SNED1: variants seen among roughly 807,000 people sequenced by gnomAD.
The protein encoded by SNED1 is sushi, nidogen and EGF-like domain-containing protein 1.
Under a neutral mutation model 166.7 loss-of-function variants are expected in SNED1, and 81 were observed. The ratio of observed to expected loss-of-function variants is 0.49; its 90% confidence interval spans 0.41 to 0.58. The LOEUF (loss-of-function observed/expected upper bound fraction) is 0.58. Ranked by LOEUF, SNED1 falls within the 20% of genes least tolerant of loss-of-function variation. The pLI, the probability that SNED1 is intolerant of heterozygous loss-of-function variation, is 0.00. For synonymous variants in SNED1, 762 were observed against 822.0 expected (o/e 0.93, Z 1.25); for missense variants, 1,604 against 2,000.2 (o/e 0.80, Z 3.78).
chr2:241,011,643 A>G (rs1049311646), intron 1 of SNED1, among the ~76,000 whole-genome samples: 6 of 152,230 alleles, frequency 3.9e-5, no homozygotes, highest in African/African-American at 1.4e-4. Flanking sequence ...AAATAACAAT[A>G]ATAGAATTGT....
chr2:241,071,904 C>G (rs758878292), intron 26 of SNED1, 26 bp downstream of exon 26: 2 of 1,559,852 alleles, frequency 1.3e-6, no homozygotes, highest in East Asian at 2.4e-5. Flanking sequence ...TCCCCACCCA[C>G]CTTGGTGGCC....
rs117820060 is a variant in SNED1 at position 241,019,001 on chromosome 2, C to T, written c.214-11283C>T. The stretch of plus-strand genomic sequence containing the variant: ...CCCCACATTTTGTCCTGTCATTACC[C>T]AAAGGGTGGCCAAGCGGAGAAGAAC... On this transcript the variant is annotated intron_variant, in intron 1 of 31. Coordinates refer to ENST00000310397, the MANE Select transcript of SNED1 (RefSeq NM_001080437.3). Among the ~76,000 whole-genome samples, 11 of 152,300 alleles carry T rather than the reference C, an allele frequency of 7.2e-5. No individual in the cohort carries two copies. The East Asian group carries it at 2.1e-3, about 29-fold the overall frequency.
Position 241,073,281 on chromosome 2 carries a change from C to T in SNED1, c.3833C>T (p.Ala1278Val), listed in dbSNP as rs373408642. ...CTTCTCCTAGAACCCACAGCCTCGG[C>T]GCAGCTCGAGAACATGGAGGAAGCC... ...ATVRSQPTAS[A>V]QLENMEEAPK... is the part of the protein sequence containing the mutation. Residue 1278 changes from alanine to valine, a missense_variant, in exon 27 of 32, where the codon GCG (alanine) becomes GTG (valine). Transcript: ENST00000310397. This position sits in a 1 kb window ranked among gnomAD's most constrained non-coding sequence, Gnocchi z 6.6. The T allele has an allele frequency of 6.4e-6, 10 of 1,560,148 alleles. No homozygotes were observed. Among genetic ancestry groups the T allele is most frequent in the East Asian group, 4.8e-5 (2 of 41,396 alleles).
chr2:241,043,893 G>T lies in SNED1; in HGVS notation c.1273+3480G>T, dbSNP rs992028106. ...TAAAAATTGATGGCAGGCAAGATTTGGTCTGTGGGTTATAGTTTACCAACT... is the reference window on the plus strand; with the variant it reads ...TAAAAATTGATGGCAGGCAAGATTTTGTCTGTGGGTTATAGTTTACCAACT... On this transcript the variant is annotated intron_variant, in intron 8 of 31. Coordinates refer to ENST00000310397, the MANE Select transcript of SNED1 (RefSeq NM_001080437.3). Among the ~76,000 whole-genome samples the T allele has an allele frequency of 3.9e-5, 6 of 152,178 alleles. No individual in the cohort carries two copies. In the South Asian group the frequency reaches 8.3e-4, roughly 21 times the overall value.
rs532819488 is a variant in SNED1 at position 241,083,969 on chromosome 2, A to ATTACT, written c.4121+1608_4121+1612dup. 3.9e-3 allele frequency among the ~76,000 whole-genome samples: 559 copies of ATTACT among 143,566 alleles called. 1 individual carries two copies. Among genetic ancestry groups the ATTACT allele is most frequent in the Middle Eastern group, 0.01 (3 of 292 alleles). The allele number at this position is 143,566 out of a possible 152,430, so 94.2% of individuals were successfully genotyped here. A position where few individuals can be genotyped will look rare whatever the true frequency, so the allele number is the denominator to read the frequency against. On this transcript the variant is annotated intron_variant, in intron 29 of 31. Coordinates refer to ENST00000310397, the MANE Select transcript of SNED1 (RefSeq NM_001080437.3). ...TTTCTTTTTTCCTGCCTAATTTTGGATTACTTTTTAGGATTCCATTTTGTC... is the reference window on the plus strand; with the variant it reads ...TTTCTTTTTTCCTGCCTAATTTTGGATTACTTTACTTTTTAGGATTCCATTTTGTC...
chr2:241,079,288 T>A (rs1009747106), intron 27 of SNED1, among the ~76,000 whole-genome samples: 38 of 150,830 alleles, frequency 2.5e-4, no homozygotes, highest in Non-Finnish European at 4.7e-4. Flanking sequence ...GGCAGGCGCC[T>A]GTAGTCCCAG....
intron 1 of SNED1, among the ~76,000 whole-genome samples, chr2:241,009,311 C>T (rs908216823): frequency 6.6e-6 from 1 of 152,164 alleles, no homozygotes; most frequent in Admixed American, 6.5e-5. Flanking sequence ...ATGGAAAGGG[C>T]AGGTGTGGAC....
chr2:241,034,016 A>G lies in SNED1; in HGVS notation c.642+141A>G, dbSNP rs546661786. The G allele has an allele frequency of 1.7e-5, 18 of 1,083,686 alleles. No homozygotes were observed. In the African/African-American group the frequency reaches 2.6e-4, roughly 15 times the overall value. The allele number at this position is 1,083,686 out of a possible 1,614,324, so 67.1% of individuals were successfully genotyped here. ...CAGAGGCCAACGAGAGACATCCACA[A>G]CCATCCCTGAGGCCTCTCACTGCCC... On this transcript the variant is annotated intron_variant, in intron 3 of 31. Coordinates refer to ENST00000310397, the MANE Select transcript of SNED1 (RefSeq NM_001080437.3).
chr2:241,082,772 C>T (rs984607446), intron 29 of SNED1, among the ~76,000 whole-genome samples: 2 of 152,234 alleles, frequency 1.3e-5, no homozygotes, highest in Non-Finnish European at 2.9e-5. Context: ...CATGATGTGG[C>T]CTTAGGCCCC....
intron 8 of SNED1, among the ~76,000 whole-genome samples, chr2:241,043,610 T>C (rs2061571362): frequency 6.6e-6 from 1 of 152,154 alleles, no homozygotes; most frequent in South Asian, 2.1e-4. Flanking sequence ...AATATGTGGG[T>C]TGAAGACTTT....
chr2:241,064,182 G>A lies in SNED1; in HGVS notation c.2599+57G>A. The A allele has an allele frequency of 8.1e-7, 1 of 1,233,722 alleles. No individual in the cohort carries two copies. Among genetic ancestry groups the A allele is most frequent in the Non-Finnish European group, 1.1e-6 (1 of 897,152 alleles). The allele number at this position is 1,233,722 out of a possible 1,614,324, so 76.4% of individuals were successfully genotyped here. A position where few individuals can be genotyped will look rare whatever the true frequency, so the allele number is the denominator to read the frequency against. ...TCTGCCCGCCTGCTCCCCGCCCTCT[G>A]CCCGCCTGCTGCCCGCCCTCTGCCC... On this transcript the variant is annotated intron_variant, in intron 19 of 31. Coordinates refer to ENST00000310397, the MANE Select transcript of SNED1 (RefSeq NM_001080437.3). This position sits in a 1 kb window ranked among gnomAD's most constrained non-coding sequence, Gnocchi z 7.0.
At position 241,075,414 on chromosome 2, in the gene SNED1, A is replaced by C. The variant is rs957950022; in HGVS notation, c.3916+2050A>C. On this transcript the variant is annotated intron_variant, in intron 27 of 31. Coordinates refer to ENST00000310397, the MANE Select transcript of SNED1 (RefSeq NM_001080437.3). The surrounding 1 kb of genome is among the most constrained non-coding windows in gnomAD (Gnocchi z 4.8). The stretch of plus-strand genomic sequence containing the variant: ...CGGGTTTGCAGATCCTACAGGCAGA[A>C]CGGGTGGGATGCACACCCCTGGGAT... The C allele has an allele frequency of 2.0e-5, 3 of 152,196 alleles. No homozygotes were observed. The highest frequency in any genetic ancestry group is 1.3e-4 in the Admixed American group (2 of 15,282). The allele number at this position is 152,196 out of a possible 1,614,324, so 9.4% of individuals were successfully genotyped here. A position where few individuals can be genotyped will look rare whatever the true frequency, so the allele number is the denominator to read the frequency against.
At chr2:241,054,011 G>A (rs573791138) in intron 16 of SNED1, among the ~76,000 whole-genome samples, 1 of 152,306 alleles carries the variant, frequency 6.6e-6, no homozygotes, top group East Asian at 1.9e-4. Flanking sequence ...ATTTGAGTGG[G>A]GCACATAAGC....
At chr2:241,048,159 G>A (rs965119898) in intron 8 of SNED1, among the ~76,000 whole-genome samples, 156 bp from the exon 9 acceptor site, 2 of 152,260 alleles carry the variant, frequency 1.3e-5, no homozygotes, top group Admixed American at 6.5e-5. Flanking sequence ...GTGCAGCGCA[G>A]CTACAAATCC....
chr2:241,071,257 C>T (rs965791641), intron 24 of SNED1: 28 of 433,486 alleles, frequency 6.5e-5, no homozygotes, highest in Non-Finnish European at 9.8e-5. Context: ...AGTCCGAGCC[C>T]GAGTGCCCAG....
intron 2 of SNED1, among the ~76,000 whole-genome samples, chr2:241,033,255 C>T (rs1363875414): frequency 1.3e-5 from 2 of 152,224 alleles, no homozygotes; most frequent in Non-Finnish European, 2.9e-5. Flanking sequence ...GCTTGATTCT[C>T]ATCTGGCGTA....
chr2:240,999,546 C>A lies in SNED1; in HGVS notation c.213+496C>A, dbSNP rs1363916792. On this transcript the variant is annotated intron_variant, in intron 1 of 31. Transcript: ENST00000310397. This position sits in a 1 kb window ranked among gnomAD's most constrained non-coding sequence, Gnocchi z 5.8. The stretch of plus-strand genomic sequence containing the variant: ...CAGGAGGCTGGACCCCTTGCCCAGG[C>A]GCTCAGGGCAGGGCCTGCTTCTTCG... Among the ~76,000 whole-genome samples the A allele has an allele frequency of 6.6e-6, 1 of 152,212 alleles. No individual in the cohort carries two copies. Among genetic ancestry groups the A allele is most frequent in the African/African-American group, 2.4e-5 (1 of 41,444 alleles).
chr2:241,052,056 G>T lies in SNED1; in HGVS notation c.1868G>T (p.Cys623Phe), dbSNP rs1199508629. The T allele has an allele frequency of 1.9e-6, 3 of 1,613,774 alleles. No homozygotes were observed. In the Admixed American group the frequency reaches 5.0e-5, roughly 27 times the overall value. ...RHCEIGKPDSCASGPCHNGGT... is the reference protein window; with the variant it reads ...RHCEIGKPDSFASGPCHNGGT... Reference sequence around the variant, plus strand: ...CTGTTTCCAGGGAAGCCAGACTCGTGTGCCTCTGGCCCCTGTCACAACGGC... The same window carrying T: ...CTGTTTCCAGGGAAGCCAGACTCGTTTGCCTCTGGCCCCTGTCACAACGGC... The change falls in exon 14 of 32, where the codon TGT (cysteine) becomes TTT (phenylalanine). Residue 623 changes from cysteine to phenylalanine, a missense_variant. Transcript: ENST00000310397.
intron 8 of SNED1, among the ~76,000 whole-genome samples, chr2:241,047,309 A>G (rs563799183): frequency 6.6e-6 from 1 of 152,352 alleles, no homozygotes; most frequent in African/African-American, 2.4e-5. Context: ...TCCAGAAGAC[A>G]TAACTCTAGA....
Sources: allele counts gnomAD v4.1 joint callset (sites outside exome capture counted in the v4.1 genomes callset), GRCh38; gene constraint gnomAD v4.1.1; non-coding constraint Gnocchi (gnomAD v3.1); transcripts MANE v1.5; gene names NCBI Gene and HGNC (gene_info 2026-07-23, HGNC 2026-07-21).